Variants in SYN2 observed in about 807,000 individuals in gnomAD.
SYN2 encodes the protein synapsin II.
Under a neutral mutation model 50.9 loss-of-function variants are expected in SYN2, and 19 were observed. The ratio of observed to expected loss-of-function variants is 0.37; its 90% confidence interval spans 0.26 to 0.55. The LOEUF (loss-of-function observed/expected upper bound fraction) is 0.55, where lower values mean the gene tolerates loss of function less well. SYN2 is among the 20% of genes least tolerant of loss of function. The pLI, the probability that SYN2 is intolerant of heterozygous loss-of-function variation, is 0.81. For synonymous variants in SYN2, 255 were observed against 224.9 expected, an observed-to-expected ratio of 1.13 and a Z score of -1.20; for missense variants, 587 against 576.4, an observed-to-expected ratio of 1.02 and a Z score of -0.19.
chr3:12,130,564 C>G (rs573254892), intron 1 of SYN2, among the ~76,000 whole-genome samples: 1 of 152,268 alleles, frequency 6.6e-6, no homozygotes, highest in Admixed American at 6.5e-5. Flanking sequence ...TTGACTCAGT[C>G]TACTCATTCA....
chr3:12,017,412 G>A (rs1420402622), intron 1 of SYN2, among the ~76,000 whole-genome samples: 1 of 152,140 alleles, frequency 6.6e-6, no homozygotes, highest in Non-Finnish European at 1.5e-5. Context: ...TGTACCCAGG[G>A]AGTCCAGCTC....
intron 5 of SYN2, among the ~76,000 whole-genome samples, chr3:12,152,844 A>C (rs2125226342): frequency 6.6e-6 from 1 of 152,316 alleles, no homozygotes; most frequent in Middle Eastern, 3.4e-3. Context: ...CTATTCTGAG[A>C]CAGTAAGTGC....
chr3:12,022,149 A>G (rs1052641764), intron 1 of SYN2, among the ~76,000 whole-genome samples: 3 of 151,834 alleles, frequency 2.0e-5, no homozygotes, highest in Admixed American at 6.6e-5. Flanking sequence ...TGTGGGGTCT[A>G]TACTAGGCTG....
At chr3:12,158,532 T>C (rs1361595471) in intron 5 of SYN2, 9 of 949,706 alleles carry the variant, frequency 9.5e-6, no homozygotes, top group African/African-American at 3.4e-5. Flanking sequence ...GTTCTGGGCT[T>C]GCAAGGTTGC....
At chr3:12,161,412 A>C in intron 5 of SYN2, 134 bp from the exon 6 acceptor site, 5 of 979,230 alleles carry the variant, frequency 5.1e-6, no homozygotes, top group Non-Finnish European at 7.7e-6. Context: ...TCAGTTTTTT[A>C]ATCTGTAAAG....
At chr3:12,111,249 T>G (rs1696308071) in intron 1 of SYN2, among the ~76,000 whole-genome samples, 1 of 152,186 alleles carries the variant, frequency 6.6e-6, no homozygotes, top group African/African-American at 2.4e-5. Flanking sequence ...CTGCCATCCA[T>G]GTAAGACATG....
At chr3:12,056,399 A>C (rs1284338125) in intron 1 of SYN2, among the ~76,000 whole-genome samples, 1 of 136,512 alleles carries the variant, frequency 7.3e-6, no homozygotes, top group African/African-American at 2.6e-5. Flanking sequence ...ACAACTCATT[A>C]AACTCATTAA....
At position 12,017,684 on chromosome 3, in the gene SYN2, T is replaced by C. The variant is rs1341018690; in HGVS notation, c.377+12756T>C. Among the ~76,000 whole-genome samples, 5 of 152,236 alleles carry C rather than the reference T, an allele frequency of 3.3e-5. No individual in the cohort carries two copies. The East Asian group carries it at 9.6e-4, about 29-fold the overall frequency. On this transcript the variant is annotated intron_variant, in intron 1 of 12. Transcript: ENST00000621198. Reference sequence around the variant, plus strand: ...TGACACTTGACAGATGTTCAGTGAATGTTCCACCATGACAAGCAGATTTTC... The same window carrying C: ...TGACACTTGACAGATGTTCAGTGAACGTTCCACCATGACAAGCAGATTTTC...
At chr3:12,033,256 G>A (rs1006527752) in intron 1 of SYN2, among the ~76,000 whole-genome samples, 16 of 152,158 alleles carry the variant, frequency 1.1e-4, no homozygotes, top group Admixed American at 1.3e-4. Context: ...CTCCAGCTGC[G>A]TGCTGGGAGA....
intron 1 of SYN2, among the ~76,000 whole-genome samples, chr3:12,108,192 A>T (rs1375637750): frequency 2.6e-5 from 4 of 152,318 alleles, no homozygotes; most frequent in East Asian, 1.9e-4. Context: ...CCTGTCTCAA[A>T]AAATAAATAA....
chr3:12,160,289 T>C (rs1328662175), intron 5 of SYN2, among the ~76,000 whole-genome samples: 19 of 152,098 alleles, frequency 1.2e-4, no homozygotes, highest in Non-Finnish European at 1.5e-5. Context: ...CTCAGTTTTT[T>C]CTTCATAAAG....
At chr3:12,177,041 A>T (rs564299099) in intron 10 of SYN2, among the ~76,000 whole-genome samples, 55 of 152,314 alleles carry the variant, frequency 3.6e-4, no homozygotes, top group African/African-American at 1.2e-3. Context: ...ACATGCTGAG[A>T]TCCAGACTGT....
chr3:12,172,348 C>A (rs1422435172), intron 10 of SYN2, among the ~76,000 whole-genome samples: 1 of 152,230 alleles, frequency 6.6e-6, no homozygotes, highest in Non-Finnish European at 1.5e-5. Context: ...CTCCTAACAT[C>A]ACCTGAAAGT....
At chr3:12,147,669 TAGC>T (rs1465708558) in intron 4 of SYN2, among the ~76,000 whole-genome samples, 2 of 152,290 alleles carry the variant, frequency 1.3e-5, no homozygotes, top group African/African-American at 4.8e-5. Flanking sequence ...ATCCTGCTAT[TAGC>T]AGCTTTTTCT....
chr3:12,088,454 A>C (rs943696370), intron 1 of SYN2, among the ~76,000 whole-genome samples: 3 of 152,326 alleles, frequency 2.0e-5, no homozygotes, highest in African/African-American at 7.2e-5. Context: ...TATTGGTGGG[A>C]AGGTAAATTA....
At chr3:12,138,043 A>G (rs762378610) in intron 1 of SYN2, among the ~76,000 whole-genome samples, 10 of 152,228 alleles carry the variant, frequency 6.6e-5, no homozygotes, top group South Asian at 6.2e-4. Context: ...GGATTCTAGC[A>G]CACTGCCCTG....
intron 3 of SYN2, among the ~76,000 whole-genome samples, chr3:12,143,644 T>G (rs2125218256): frequency 6.6e-6 from 1 of 152,334 alleles, no homozygotes; most frequent in Non-Finnish European, 1.5e-5. Flanking sequence ...CTGCGTTGTA[T>G]TCCATGGTGT....
intron 1 of SYN2, among the ~76,000 whole-genome samples, chr3:12,065,642 C>A (rs1695200580): frequency 6.6e-6 from 1 of 151,930 alleles, no homozygotes. Flanking sequence ...CAAGTGGGAG[C>A]TAAACATTGG....
intron 1 of SYN2, among the ~76,000 whole-genome samples, chr3:12,080,222 TTTTA>T (rs1445132397): frequency 6.6e-6 from 1 of 152,108 alleles, no homozygotes; most frequent in African/African-American, 2.4e-5. Context: ...TAGCAGTCTA[TTTTA>T]TGAATTTTTT....
Sources: gnomAD v4.1 joint callset for allele counts (sites outside exome capture counted in the v4.1 genomes callset) on GRCh38, gnomAD v4.1.1 for gene constraint, MANE v1.5 for transcripts, NCBI Gene and HGNC (gene_info 2026-07-23, HGNC 2026-07-21) for gene names.